The following YTHDF2 variants were observed in gnomAD, a reference collection of about 807,000 sequenced individuals.
YTHDF2 encodes YTH domain-containing family protein 2.
YTHDF2 carries 2 observed loss-of-function variants against 50.4 expected under a neutral mutation model. That is an observed-to-expected ratio of 0.04 (90% CI 0.02 to 0.12). YTHDF2 has a LOEUF of 0.12. YTHDF2 is among the 10% of genes least tolerant of loss of function. The pLI is 1.00. For synonymous variants in YTHDF2, 217 were observed against 255.6 expected (o/e 0.85, Z 1.44); for missense variants, 483 against 722.6 (o/e 0.67, Z 3.80).
chr1:28,767,336 A>G (rs1173831969), intron 4 of YTHDF2, among the ~76,000 whole-genome samples: 1 of 152,154 alleles, frequency 6.6e-6, no homozygotes, highest in African/African-American at 2.4e-5. Flanking sequence ...AAATGCTATT[A>G]AGTATGCCAA....
intron 4 of YTHDF2, among the ~76,000 whole-genome samples, chr1:28,766,187 C>T (rs2088213049): frequency 6.6e-6 from 1 of 152,164 alleles, no homozygotes; most frequent in Admixed American, 6.5e-5. Flanking sequence ...TCACTGCTGC[C>T]TTCATCTCCC....
chr1:28,752,037 C>T (rs776832165), intron 4 of YTHDF2, among the ~76,000 whole-genome samples: 47 of 152,164 alleles, frequency 3.1e-4, no homozygotes, highest in Non-Finnish European at 4.1e-4. Context: ...GTTATTTATC[C>T]AAAGTCTCAT....
intron 4 of YTHDF2, among the ~76,000 whole-genome samples, chr1:28,765,659 C>T (rs1295290654): frequency 6.6e-6 from 1 of 151,932 alleles, no homozygotes; most frequent in East Asian, 1.9e-4. Context: ...ACTATGTTGC[C>T]CAAGGCTGGT....
At chr1:28,745,356 T>A (rs1394916317) in intron 4 of YTHDF2, among the ~76,000 whole-genome samples, 1 of 152,184 alleles carries the variant, frequency 6.6e-6, no homozygotes, top group Admixed American at 6.6e-5. Context: ...AGAACCAGAT[T>A]ATTGAAAAGT....
At chr1:28,761,348 G>C (rs1013604621) in intron 4 of YTHDF2, among the ~76,000 whole-genome samples, 1 of 152,044 alleles carries the variant, frequency 6.6e-6, no homozygotes, top group Non-Finnish European at 1.5e-5. Flanking sequence ...GTGTTGCCCA[G>C]GCTGTTCTTG....
intron 4 of YTHDF2, among the ~76,000 whole-genome samples, chr1:28,766,631 T>C (rs1358319320): frequency 6.6e-6 from 1 of 152,124 alleles, no homozygotes; most frequent in African/African-American, 2.4e-5. Context: ...ACTATGTAAA[T>C]AACTTGTTTC....
In YTHDF2 at chr1:28,742,951, T is replaced by A. The variant is rs554663419; in HGVS notation, c.681T>A (p.Pro227=). ...ACATCGTGGCTTCCAATAGTTTGCC[T>A]CCAGCCACCATTGCTCCTCCAAAAC... ...TSNIVASNSL[P]PATIAPPKPA... Residue 227 remains proline, a synonymous_variant, in exon 4 of 5, where the codon CCT becomes CCA. Coordinates refer to ENST00000373812, the MANE Select transcript of YTHDF2 (RefSeq NM_016258.3). The A allele has an allele frequency of 6.2e-7, 1 of 1,614,160 alleles. No homozygotes were observed. The highest frequency in any genetic ancestry group is 8.5e-7 in the Non-Finnish European group (1 of 1,180,040).
At chr1:28,748,213 G>C (rs1380168514) in intron 4 of YTHDF2, among the ~76,000 whole-genome samples, 1 of 151,790 alleles carries the variant, frequency 6.6e-6, no homozygotes, top group African/African-American at 2.4e-5. Context: ...ATTTTAGTTA[G>C]TACTGCCTTA....
Position 28,743,266 on chromosome 1 carries a change from T to G in YTHDF2, c.996T>G (p.Pro332=), listed in dbSNP as rs752698365. 58 of 1,613,928 alleles carry G rather than the reference T, an allele frequency of 3.6e-5. No homozygotes were observed. The highest frequency in any genetic ancestry group is 4.7e-5 in the Non-Finnish European group (56 of 1,180,028). Residue 332 remains proline (P), a synonymous_variant, in exon 4 of 5, where the codon CCT becomes CCG. Transcript: ENST00000373812. The surrounding 1 kb of genome is among the most constrained non-coding windows in gnomAD (Gnocchi z 6.9). ...VGQQTQPLPP[P]PPQPAQLSVQ... ...AACAGACACAGCCATTGCCTCCACCTCCACCACAGCCTGCCCAGCTTTCAG... is the reference window on the plus strand; with the variant it reads ...AACAGACACAGCCATTGCCTCCACCGCCACCACAGCCTGCCCAGCTTTCAG...
At chr1:28,760,846 C>T (rs1425477840) in intron 4 of YTHDF2, among the ~76,000 whole-genome samples, 1 of 152,190 alleles carries the variant, frequency 6.6e-6, no homozygotes, top group East Asian at 1.9e-4. Context: ...TCCCAAAGTG[C>T]TGGAATTACA....
At chr1:28,742,164 C>G (rs570663509) in intron 3 of YTHDF2, among the ~76,000 whole-genome samples, 2 of 151,914 alleles carry the variant, frequency 1.3e-5, no homozygotes, top group East Asian at 1.9e-4. Context: ...ATTCTCCTGC[C>G]TCAGGCCTCC....
intron 4 of YTHDF2, among the ~76,000 whole-genome samples, chr1:28,757,468 C>T (rs1475515248): frequency 6.6e-6 from 1 of 152,136 alleles, no homozygotes; most frequent in Non-Finnish European, 1.5e-5. Context: ...ATTGCAATTT[C>T]TGTTGGTTCT....
chr1:28,738,783 T>C (rs1277254915), intron 3 of YTHDF2, among the ~76,000 whole-genome samples: 1 of 152,212 alleles, frequency 6.6e-6, no homozygotes, highest in African/African-American at 2.4e-5. Context: ...CTGCCCTCTA[T>C]CAGGAAATCC....
intron 2 of YTHDF2, 84 bp downstream of exon 2, chr1:28,737,766 G>A (rs1223377147): frequency 1.3e-6 from 2 of 1,550,814 alleles, no homozygotes; most frequent in South Asian, 1.1e-5. Context: ...CGCCCCGGGC[G>A]GAGGACCTTT....
intron 4 of YTHDF2, among the ~76,000 whole-genome samples, chr1:28,767,045 T>C (rs922128290): frequency 3.3e-5 from 5 of 150,590 alleles, no homozygotes; most frequent in African/African-American, 1.2e-4. Context: ...TCTCCATATG[T>C]TGGCCAGGCT....
At chr1:28,767,005 A>ATTTTT (rs549118209) in intron 4 of YTHDF2, among the ~76,000 whole-genome samples, 6 of 131,900 alleles carry the variant, frequency 4.5e-5, no homozygotes, top group African/African-American at 1.2e-4. Context: ...TAATTAAAAG[A>ATTTTT]TTTTTTTTTT....
In YTHDF2 at chr1:28,737,572, C is replaced by T. The variant is rs551355891; in HGVS notation, c.28-86C>T. On this transcript the variant is annotated intron_variant, in intron 1 of 4. Transcript: ENST00000373812. The stretch of plus-strand genomic sequence containing the variant: ...CCCTCGGGCCTGCTCCTTTATTCTC[C>T]CTTCGGGCCCTGCCTTAATTTGTTC... The T allele has an allele frequency of 4.4e-4, 701 of 1,587,654 alleles. 6 individuals carry two copies. The South Asian group carries it at 5.6e-3, about 13-fold the overall frequency.
intron 4 of YTHDF2, among the ~76,000 whole-genome samples, chr1:28,744,895 C>T (rs557322028): frequency 6.6e-6 from 1 of 152,242 alleles, no homozygotes; most frequent in South Asian, 2.1e-4. Flanking sequence ...TCTTGAACTC[C>T]TGAGCTCAAG....
chr1:28,737,839 T>C (rs1483831351), intron 2 of YTHDF2, 157 bp downstream of exon 2: 6 of 842,042 alleles, frequency 7.1e-6, no homozygotes, highest in Non-Finnish European at 1.1e-5. Flanking sequence ...GGTGTGTTCT[T>C]GCAGCTGGCG....
Sources: allele counts gnomAD v4.1 joint callset (sites outside exome capture counted in the v4.1 genomes callset), GRCh38; gene constraint gnomAD v4.1.1; non-coding constraint Gnocchi (gnomAD v3.1); transcripts MANE v1.5; gene names NCBI Gene and HGNC (gene_info 2026-07-23, HGNC 2026-07-21).